NCKAP1L: variants seen among roughly 807,000 people sequenced by gnomAD.
NCKAP1L encodes the protein NCK associated protein 1 like, also known as nck-associated protein 1-like.
A neutral mutation model predicts 139.2 loss-of-function variants in NCKAP1L; 53 were observed. The ratio of observed to expected loss-of-function variants is 0.38; its 90% CI spans 0.31 to 0.48. The LOEUF (loss-of-function observed/expected upper bound fraction) is 0.48. Ranked by LOEUF, NCKAP1L falls within the 20% of genes least tolerant of loss-of-function variation. The pLI is 0.98. For synonymous variants in NCKAP1L, 468 were observed against 499.7 expected, an observed-to-expected ratio of 0.94 and a Z score of 0.85; for missense variants, 1,151 against 1,381.9, an observed-to-expected ratio of 0.83 and a Z score of 2.65.
chr12:54,531,892 A>C (rs1957074774), intron 25 of NCKAP1L, 67 bp downstream of exon 25: 4 of 1,328,036 alleles, frequency 3.0e-6, no homozygotes, highest in African/African-American at 2.9e-5. Flanking sequence ...TTGTATGATA[A>C]TTTGTGGAAG....
intron 2 of NCKAP1L, among the ~76,000 whole-genome samples, chr12:54,499,821 A>G (rs949000244): frequency 7.2e-5 from 11 of 152,196 alleles, no homozygotes; most frequent in African/African-American, 2.7e-4. Flanking sequence ...TGTTTGTCTT[A>G]GATTTCTGCA....
In NCKAP1L at chr12:54,526,762, G is replaced by T; in HGVS notation, c.2375+16G>T. On this transcript the variant is annotated intron_variant, in intron 21 of 30. Coordinates refer to ENST00000293373, the MANE Select transcript of NCKAP1L (RefSeq NM_005337.5). ...ACACAAACTGGTCAGTGTTGCTTAGGCTTTTCCACTGCCTTACTTTGTGTT... is the reference window on the plus strand; with the variant it reads ...ACACAAACTGGTCAGTGTTGCTTAGTCTTTTCCACTGCCTTACTTTGTGTT... 1 of 1,605,702 alleles carries T rather than the reference G, an allele frequency of 6.2e-7. No individual in the cohort carries two copies. The highest frequency in any genetic ancestry group is 2.2e-5 in the East Asian group (1 of 44,688).
chr12:54,530,308 G>A (rs1191049382), intron 22 of NCKAP1L, among the ~76,000 whole-genome samples: 1 of 152,236 alleles, frequency 6.6e-6, no homozygotes, highest in African/African-American at 2.4e-5. Flanking sequence ...CATAGCTAGA[G>A]CTCCTTCCTA....
chr12:54,525,299 A>G (rs1256904927), intron 20 of NCKAP1L, among the ~76,000 whole-genome samples: 1 of 152,184 alleles, frequency 6.6e-6, no homozygotes, highest in Non-Finnish European at 1.5e-5. Context: ...CCAGTTATGA[A>G]TCTATGTTTT....
intron 3 of NCKAP1L, among the ~76,000 whole-genome samples, chr12:54,506,799 ATATATATAT>A (rs1956844352): frequency 8.6e-5 from 8 of 92,548 alleles, no homozygotes; most frequent in Non-Finnish European, 1.4e-4. Flanking sequence ...AAAAAAAAAT[ATATATATAT>A]ATATATATAT....
chr12:54,503,741 C>T (rs1047413995), intron 3 of NCKAP1L, among the ~76,000 whole-genome samples: 2 of 150,722 alleles, frequency 1.3e-5, no homozygotes, highest in East Asian at 1.9e-4. Flanking sequence ...TGGGTTAAAG[C>T]GAGTCTCCTG....
chr12:54,519,875 AT>A (rs79806874), intron 16 of NCKAP1L, among the ~76,000 whole-genome samples: 1,406 of 137,290 alleles, frequency 0.01, 1 homozygote, highest in Non-Finnish European at 0.01. Flanking sequence ...ACGTCTTCAG[AT>A]TTTTTTTTTT....
At chr12:54,507,830 C>T (rs751156318) in intron 3 of NCKAP1L, 23 bp from the exon 4 acceptor site, 2 of 1,609,462 alleles carry the variant, frequency 1.2e-6, no homozygotes, top group African/African-American at 1.3e-5. Flanking sequence ...TTTATTAATT[C>T]TTGTCTTCAC....
chr12:54,530,799 G>A (rs1056074313), intron 22 of NCKAP1L, among the ~76,000 whole-genome samples: 1 of 152,210 alleles, frequency 6.6e-6, no homozygotes, highest in Non-Finnish European at 1.5e-5. Flanking sequence ...ATTTTCCAAA[G>A]TTTTTATAAT....
Position 54,547,448 on chromosome 12 carries a change from A to G in NCKAP1L, c.*4763A>G, listed in dbSNP as rs1450097391. The G allele has an allele frequency of 6.6e-6, 1 of 151,930 alleles. No individual in the cohort carries two copies. The highest frequency in any genetic ancestry group is 1.5e-5 in the Non-Finnish European group (1 of 68,002). 9.4% of individuals were successfully genotyped at this position (151,930 alleles called of 1,614,324 possible). ...GTTTTCCCATTTATTAAATGAAGGG[A>G]ATTAGAGTGGATGAACTCTAATGTC... On this transcript the variant is annotated 3_prime_UTR_variant, in exon 31 of 31. Coordinates refer to ENST00000293373, the MANE Select transcript of NCKAP1L (RefSeq NM_005337.5).
chr12:54,525,136 G>A (rs989214102), intron 20 of NCKAP1L, among the ~76,000 whole-genome samples: 1 of 152,178 alleles, frequency 6.6e-6, no homozygotes, highest in Non-Finnish European at 1.5e-5. Flanking sequence ...TTGTGTATGC[G>A]CTTATATGTC....
At chr12:54,535,306 A>C in intron 27 of NCKAP1L, 109 bp downstream of exon 27, 1 of 797,224 alleles carries the variant, frequency 1.3e-6, no homozygotes, top group Non-Finnish European at 2.0e-6. Context: ...ATATATTCAG[A>C]GGATATAAGC....
In NCKAP1L at chr12:54,527,387, G is replaced by A. The variant is rs531148015; in HGVS notation, c.2375+641G>A. 1.1e-3 allele frequency among the ~76,000 whole-genome samples: 173 copies of A among 152,308 alleles called. 1 individual carries two copies. Among genetic ancestry groups the A allele is most frequent in the African/African-American group, 3.8e-3 (159 of 41,566 alleles). ...GGAAACAAAGTTTGCAAATGCAAAT[G>A]CCAGTTGGGGCCAGGCAGGAAAGGT... On this transcript the variant is annotated intron_variant, in intron 21 of 30. Coordinates refer to ENST00000293373, the MANE Select transcript of NCKAP1L (RefSeq NM_005337.5).
chr12:54,511,872 TG>T (rs1483487688), intron 8 of NCKAP1L, 21 bp downstream of exon 8: 4 of 1,614,118 alleles, frequency 2.5e-6, no homozygotes, highest in Non-Finnish European at 3.4e-6. Context: ...TGGGATTAGA[TG>T]GGAGTGGATG....
chr12:54,540,618 A>T (rs117340545), intron 30 of NCKAP1L, among the ~76,000 whole-genome samples: 113 of 152,350 alleles, frequency 7.4e-4, no homozygotes, highest in Non-Finnish European at 1.3e-3. Flanking sequence ...TGCCTAGTAC[A>T]TAGTAGATGC....
Position 54,526,615 on chromosome 12 carries a change from T to G in NCKAP1L, c.2244T>G (p.Ile748Met), listed in dbSNP as rs1343928247. 2.5e-6 allele frequency: 4 copies of G among 1,614,066 alleles called. No homozygotes were observed. In the East Asian group the frequency reaches 8.9e-5, roughly 36 times the overall value. ...TGTTGGCAGGAGTCAAAGCATACAT[T>G]GGTTTCATACAGTCACTGGCCCAGT... ...SELLAGVKAY[I>M]GFIQSLAQFL... is the part of the protein sequence containing the mutation. Residue 748 changes from isoleucine (I) to methionine (M), a missense_variant, in exon 21 of 31, where the codon ATT (isoleucine) becomes ATG (methionine). Ile to Met is a conservative substitution (Grantham distance 10). Coordinates refer to ENST00000293373, the MANE Select transcript of NCKAP1L (RefSeq NM_005337.5).
chr12:54,511,384 C>T (rs1956889064), intron 7 of NCKAP1L, among the ~76,000 whole-genome samples: 2 of 152,196 alleles, frequency 1.3e-5, no homozygotes, highest in African/African-American at 4.8e-5. Context: ...GTGCCCTAAA[C>T]TAGTCTGGTA....
At chr12:54,516,492 G>A (rs1399402962) in intron 10 of NCKAP1L, among the ~76,000 whole-genome samples, 197 bp downstream of exon 10, 2 of 148,132 alleles carry the variant, frequency 1.4e-5, no homozygotes, top group African/African-American at 5.0e-5. Flanking sequence ...TGTTGCCCAC[G>A]CTGGGTGCAA....
rs764698118 is a variant in NCKAP1L at position 54,542,721 on chromosome 12, CT to C, written c.*38del. The C allele has an allele frequency of 2.2e-4, 305 of 1,389,552 alleles. No homozygotes were observed. The highest frequency in any genetic ancestry group is 2.8e-4 in the Non-Finnish European group (274 of 992,364). The allele number at this position is 1,389,552 out of a possible 1,614,324, so 86.1% of individuals were successfully genotyped here. A position where few individuals can be genotyped will look rare whatever the true frequency, so the allele number is the denominator to read the frequency against. On this transcript the variant is annotated 3_prime_UTR_variant, in exon 31 of 31. Coordinates refer to ENST00000293373, the MANE Select transcript of NCKAP1L (RefSeq NM_005337.5). ...GTACCCACTGAAGAGCCCTTTGGACCTTCCTAAACCCTTGCCATAGTGGAAG... is the reference window on the plus strand; with the variant it reads ...GTACCCACTGAAGAGCCCTTTGGACCTCCTAAACCCTTGCCATAGTGGAAG...
Sources: gnomAD v4.1 joint callset for allele counts (sites outside exome capture counted in the v4.1 genomes callset) on GRCh38, gnomAD v4.1.1 for gene constraint, MANE v1.5 for transcripts, NCBI Gene and HGNC (gene_info 2026-07-23, HGNC 2026-07-21) for gene names.